Variants in NDFIP2 observed in about 807,000 individuals in gnomAD.
NDFIP2 encodes Nedd4 family interacting protein 2.
A neutral mutation model predicts 36.0 loss-of-function variants in NDFIP2; 19 were observed. The observed-to-expected ratio is 0.53, with a 90% CI of 0.37 to 0.77. The LOEUF is 0.77. NDFIP2 is among the 30% of genes least tolerant of loss of function. The probability of loss-of-function intolerance (pLI) is 0.00; values close to 1 mark genes in which losing one functional copy is unlikely to be tolerated. For synonymous variants in NDFIP2, 181 were observed against 167.7 expected (o/e 1.08, Z -0.61); for missense variants, 446 against 435.8 (o/e 1.02, Z -0.21).
intron 1 of NDFIP2, among the ~76,000 whole-genome samples, chr13:79,498,975 G>A (rs1033621507): frequency 6.6e-6 from 1 of 151,844 alleles, no homozygotes. Flanking sequence ...CAGACCAATA[G>A]TTCTTATAAA....
chr13:79,481,387 A>G lies in NDFIP2; in HGVS notation c.184A>G (p.Arg62Gly), dbSNP rs1051693219. 6.4e-7 allele frequency: 1 copy of G among 1,554,646 alleles called. No individual in the cohort carries two copies. The highest frequency in any genetic ancestry group is 1.2e-5 in the South Asian group (1 of 84,436). Reference sequence around the variant, plus strand: ...CCGCGGCTGCAGGAACGGAGGCGGAAGGGGCCCTGCGGCGACGACGTCGTC... The same window carrying G: ...CCGCGGCTGCAGGAACGGAGGCGGAGGGGGCCCTGCGGCGACGACGTCGTC... ...GDRGCRNGGG[R>G]GPAATTSSTG... Residue 62 changes from arginine to glycine, a missense_variant, in exon 1 of 8, where the codon AGG becomes GGG. Physicochemically the swap from Arg to Gly is moderately radical, Grantham distance 125. Coordinates refer to ENST00000218652, the MANE Select transcript of NDFIP2 (RefSeq NM_019080.3).
rs188287292 is a variant in NDFIP2, at chr13:79,488,941, T to G, written c.321+7417T>G. Among the ~76,000 whole-genome samples the G allele has an allele frequency of 1.1e-4, 17 of 152,334 alleles. No homozygotes were observed. The East Asian group carries it at 3.3e-3, about 29-fold the overall frequency. Reference sequence around the variant, plus strand: ...AAATGCTTTGTACATATTAGCACGCTTAATCCTTCCACTTCTATGAAGTAG... The same window carrying G: ...AAATGCTTTGTACATATTAGCACGCGTAATCCTTCCACTTCTATGAAGTAG... On this transcript the variant is annotated intron_variant, in intron 1 of 7. Coordinates refer to ENST00000218652, the MANE Select transcript of NDFIP2 (RefSeq NM_019080.3).
At chr13:79,509,688 TATAGAG>T (rs1304602075) in intron 1 of NDFIP2, among the ~76,000 whole-genome samples, 1 of 140,386 alleles carries the variant, frequency 7.1e-6, no homozygotes, top group African/African-American at 2.8e-5. Flanking sequence ...TATATATATA[TATAGAG>T]AGAGAGAGAG....
At chr13:79,513,257 G>A (rs1038600018) in intron 1 of NDFIP2, among the ~76,000 whole-genome samples, 1 of 152,072 alleles carries the variant, frequency 6.6e-6, no homozygotes, top group Non-Finnish European at 1.5e-5. Flanking sequence ...AAAGAGTTAT[G>A]GAAAGGATTT....
intron 2 of NDFIP2, among the ~76,000 whole-genome samples, chr13:79,532,281 C>T (rs914585508): frequency 6.6e-6 from 1 of 152,148 alleles, no homozygotes; most frequent in Non-Finnish European, 1.5e-5. Context: ...GTAAGAAACA[C>T]AGTATTTGCA....
chr13:79,537,769 T>G (rs1220667343), intron 3 of NDFIP2, among the ~76,000 whole-genome samples: 1 of 152,204 alleles, frequency 6.6e-6, no homozygotes, highest in Non-Finnish European at 1.5e-5. Context: ...TATGTGATAT[T>G]GAGCAGAGCC....
chr13:79,503,891 C>T (rs1873760175), intron 1 of NDFIP2, among the ~76,000 whole-genome samples: 2 of 152,104 alleles, frequency 1.3e-5, no homozygotes, highest in South Asian at 4.1e-4. Context: ...AAAAGAGCCT[C>T]TTGATTTGGA....
intron 6 of NDFIP2, among the ~76,000 whole-genome samples, chr13:79,550,626 AAT>A (rs1875870407): frequency 6.6e-6 from 1 of 151,614 alleles, no homozygotes; most frequent in South Asian, 2.1e-4. Flanking sequence ...TATATAAATA[AAT>A]ATGTCTTAGT....
intron 4 of NDFIP2, among the ~76,000 whole-genome samples, chr13:79,541,640 T>C (rs1241042718): frequency 1.3e-5 from 2 of 152,110 alleles, no homozygotes; most frequent in Non-Finnish European, 2.9e-5. Context: ...ATCTAGTGGC[T>C]GTTTTTCAAA....
chr13:79,520,721 G>A lies in NDFIP2; in HGVS notation c.322-89G>A, dbSNP rs574866955. ...TTTTCTTTGTGTTTGGCCAAAAAGC[G>A]ATACTGTGTCTGAAATGATAAAATC... On this transcript the variant is annotated intron_variant, in intron 1 of 7. Coordinates refer to ENST00000218652, the MANE Select transcript of NDFIP2 (RefSeq NM_019080.3). 53 of 1,240,616 alleles carry A rather than the reference G, an allele frequency of 4.3e-5. No homozygotes were observed. In the South Asian group the frequency reaches 8.4e-4, roughly 20 times the overall value. The allele number at this position is 1,240,616 out of a possible 1,614,324, so 76.9% of individuals were successfully genotyped here.
intron 1 of NDFIP2, among the ~76,000 whole-genome samples, chr13:79,503,409 G>C (rs769301698): frequency 5.8e-4 from 89 of 152,266 alleles, no homozygotes; most frequent in Middle Eastern, 3.4e-3. Context: ...GGGTGCAGTT[G>C]AAGGTCATAC....
At chr13:79,506,363 A>G (rs1873868289) in intron 1 of NDFIP2, among the ~76,000 whole-genome samples, 1 of 152,144 alleles carries the variant, frequency 6.6e-6, no homozygotes, top group Non-Finnish European at 1.5e-5. Context: ...CTTTTCATGA[A>G]CATTTCCTTA....
intron 1 of NDFIP2, among the ~76,000 whole-genome samples, chr13:79,483,439 G>A (rs2079826995): frequency 1.3e-5 from 2 of 152,092 alleles, no homozygotes; most frequent in Non-Finnish European, 2.9e-5. Context: ...TTAAACTAGG[G>A]ATCAGTCTTC....
At chr13:79,497,842 G>A (rs1169415549) in intron 1 of NDFIP2, among the ~76,000 whole-genome samples, 2 of 148,182 alleles carry the variant, frequency 1.3e-5, no homozygotes, top group African/African-American at 5.0e-5. Context: ...GTGTGTACTT[G>A]TTGATCTTGG....
intron 1 of NDFIP2, among the ~76,000 whole-genome samples, chr13:79,490,445 G>C (rs1217480326): frequency 2.0e-5 from 3 of 152,148 alleles, no homozygotes; most frequent in Non-Finnish European, 4.4e-5. Context: ...TGGGGTGGTG[G>C]TGGTGGTGAT....
At chr13:79,488,321 C>A (rs190195652) in intron 1 of NDFIP2, among the ~76,000 whole-genome samples, 1 of 152,106 alleles carries the variant, frequency 6.6e-6, no homozygotes, top group East Asian at 1.9e-4. Context: ...ATTAAAATTT[C>A]TCTTGCTATT....
In NDFIP2 at chr13:79,536,888, T is replaced by A. The variant is rs1434555441; in HGVS notation, c.622-2794T>A. On this transcript the variant is annotated intron_variant, in intron 3 of 7. Transcript: ENST00000218652. ...AAAAGAAAAAAAAAAATCAGCTAGG[T>A]GTGGTGGCATGCACCTGTAGTTCCA... 2.0e-5 allele frequency among the ~76,000 whole-genome samples: 3 copies of A among 148,964 alleles called. No individual in the cohort carries two copies. In the East Asian group the frequency reaches 5.9e-4, roughly 29 times the overall value.
intron 1 of NDFIP2, 140 bp downstream of exon 1, chr13:79,481,664 C>T: frequency 1.9e-6 from 2 of 1,066,234 alleles, no homozygotes; most frequent in East Asian, 2.7e-5. Flanking sequence ...GATCTTCTGG[C>T]TGGAGCTGCT....
chr13:79,510,373 AT>A (rs764423924), intron 1 of NDFIP2, among the ~76,000 whole-genome samples: 1 of 143,932 alleles, frequency 6.9e-6, no homozygotes, highest in East Asian at 2.0e-4. Flanking sequence ...GCCCATGGTG[AT>A]TTTTTTTGTT....
Sources: allele counts gnomAD v4.1 joint callset (sites outside exome capture counted in the v4.1 genomes callset), GRCh38; gene constraint gnomAD v4.1.1; transcripts MANE v1.5; gene names NCBI Gene and HGNC (gene_info 2026-07-23, HGNC 2026-07-21).